RNLS: variants seen among roughly 807,000 people sequenced by gnomAD.
RNLS encodes renalase.
RNLS carries 39 observed loss-of-function variants against 39.8 expected under a neutral mutation model. The observed-to-expected ratio is 0.98, with a 90% CI of 0.76 to 1.28. RNLS has a LOEUF of 1.28. Among genes scored for constraint, RNLS ranks in the 50% most tolerant of loss-of-function variants. RNLS has a pLI of 0.00. For missense variants in RNLS, 410 were observed against 413.3 expected, an observed-to-expected ratio of 0.99 and a Z score of 0.07; for synonymous variants, 147 against 150.7, an observed-to-expected ratio of 0.98 and a Z score of 0.18.
intron 4 of RNLS, among the ~76,000 whole-genome samples, chr10:88,549,879 T>G (rs1243540439): frequency 6.6e-6 from 1 of 152,238 alleles, no homozygotes; most frequent in Non-Finnish European, 1.5e-5. Flanking sequence ...TATAAAATAT[T>G]ATTAGATTTA....
intron 6 of RNLS, among the ~76,000 whole-genome samples, chr10:88,296,658 T>C (rs746622256): frequency 4.6e-5 from 7 of 152,304 alleles, no homozygotes; most frequent in East Asian, 1.9e-4. Flanking sequence ...AAAAAACAGG[T>C]GGTTTTAAAA....
intron 5 of RNLS, among the ~76,000 whole-genome samples, chr10:88,359,892 CT>C (rs1051229932): frequency 7.2e-5 from 11 of 152,304 alleles, no homozygotes; most frequent in African/African-American, 2.2e-4. Context: ...TCTTTCCTTC[CT>C]GTGTGCCTTT....
chr10:88,414,079 A>G (rs1288842472), intron 4 of RNLS, among the ~76,000 whole-genome samples: 1 of 152,138 alleles, frequency 6.6e-6, no homozygotes, highest in East Asian at 1.9e-4. Context: ...TTTTAAAGAC[A>G]TTTTAGGAAG....
At chr10:88,417,307 T>G (rs980988218) in intron 4 of RNLS, among the ~76,000 whole-genome samples, 4 of 152,230 alleles carry the variant, frequency 2.6e-5, no homozygotes, top group African/African-American at 9.6e-5. Context: ...TCACAAATTT[T>G]TTAAATTTGG....
the RNLS span, among the ~76,000 whole-genome samples, chr10:88,265,327 T>TC: frequency 9.2e-6 from 1 of 108,600 alleles, no homozygotes. Flanking sequence ...GTTTTTCTTT[T>TC]TTTTTTTTTT....
rs188840772 is a variant in RNLS at position 88,565,845 on chromosome 10, G to A, written c.526+7058C>T. Among the ~76,000 whole-genome samples the A allele has an allele frequency of 3.9e-3, 578 of 148,890 alleles. 5 individuals are homozygous for A. The highest frequency in any genetic ancestry group is 0.013 in the African/African-American group (520 of 40,234). On this transcript the variant is annotated intron_variant, in intron 4 of 6. Transcript: ENST00000331772. Reference sequence around the variant, plus strand: ...GCTCACTGCAACCTCCGCCTCCCAGGTTCAAGCGATTCTCCTGCCTCAGCC... The same window carrying A: ...GCTCACTGCAACCTCCGCCTCCCAGATTCAAGCGATTCTCCTGCCTCAGCC...
At chr10:88,304,094 C>T (rs559702498) in intron 6 of RNLS, among the ~76,000 whole-genome samples, 1 of 152,128 alleles carries the variant, frequency 6.6e-6, no homozygotes, top group Non-Finnish European at 1.5e-5. Context: ...AAGTGTTGGC[C>T]CCCTACAGTC....
chr10:88,581,207 G>A (rs1728393150), intron 3 of RNLS, among the ~76,000 whole-genome samples: 1 of 149,910 alleles, frequency 6.7e-6, no homozygotes, highest in South Asian at 2.1e-4. Flanking sequence ...AGTCAAACAA[G>A]GTATAGAATC....
the RNLS span, among the ~76,000 whole-genome samples, chr10:88,183,905 A>G: frequency 6.6e-6 from 1 of 152,136 alleles, no homozygotes; most frequent in Non-Finnish European, 1.5e-5. Flanking sequence ...GATCAACTAG[A>G]GAGAAGTCAT....
At chr10:88,381,827 T>C (rs974728137) in intron 4 of RNLS, among the ~76,000 whole-genome samples, 1 of 152,118 alleles carries the variant, frequency 6.6e-6, no homozygotes, top group Non-Finnish European at 1.5e-5. Flanking sequence ...ATCTGACCCC[T>C]GTCTGGTTTT....
chr10:88,227,645 G>C, the RNLS span, among the ~76,000 whole-genome samples: 7 of 152,218 alleles, frequency 4.6e-5, no homozygotes, highest in Non-Finnish European at 8.8e-5. Context: ...TGGCAGGCTA[G>C]AACTTGGGAA....
chr10:88,582,132 T>G, intron 2 of RNLS, 70 bp downstream of exon 2: 1 of 1,217,726 alleles, frequency 8.2e-7, no homozygotes, highest in Non-Finnish European at 1.2e-6. Flanking sequence ...TCAGCTAATC[T>G]AATCTTCACA....
intron 4 of RNLS, among the ~76,000 whole-genome samples, chr10:88,386,741 T>G (rs1388282724): frequency 6.6e-6 from 1 of 152,200 alleles, no homozygotes; most frequent in Non-Finnish European, 1.5e-5. Flanking sequence ...GACACCCACT[T>G]AGCCATTAGG....
At chr10:88,484,225 T>C (rs186974959) in intron 4 of RNLS, among the ~76,000 whole-genome samples, 1 of 152,188 alleles carries the variant, frequency 6.6e-6, no homozygotes, top group Non-Finnish European at 1.5e-5. Flanking sequence ...CCAAACCAAC[T>C]TTATTAGATA....
chr10:88,534,995 T>C (rs1312107513), intron 4 of RNLS, among the ~76,000 whole-genome samples: 2 of 152,054 alleles, frequency 1.3e-5, no homozygotes. Flanking sequence ...CATAAATAAA[T>C]ATGAGAGACG....
rs982348916 is a variant in RNLS at position 88,552,258 on chromosome 10, C to T, written c.526+20645G>A. On this transcript the variant is annotated intron_variant, in intron 4 of 6. Coordinates refer to ENST00000331772, the MANE Select transcript of RNLS (RefSeq NM_001031709.3). Reference sequence around the variant, plus strand: ...GAAAGGCAGAAGAAATGAGCAGAGGCTGCCCTAAAGCCAACCTGTAAACAA... The same window carrying T: ...GAAAGGCAGAAGAAATGAGCAGAGGTTGCCCTAAAGCCAACCTGTAAACAA... Among the ~76,000 whole-genome samples the T allele has an allele frequency of 1.3e-4, 20 of 152,264 alleles. No homozygotes were observed. In the Middle Eastern group the frequency reaches 0.01, roughly 78 times the overall value.
intron 4 of RNLS, among the ~76,000 whole-genome samples, chr10:88,504,095 A>T (rs1277208703): frequency 1.3e-5 from 2 of 152,168 alleles, no homozygotes; most frequent in Admixed American, 6.6e-5. Flanking sequence ...TAGATTTTCC[A>T]GTCCCAGCTA....
chr10:88,529,538 G>T (rs1413635541), intron 4 of RNLS, among the ~76,000 whole-genome samples: 1 of 152,074 alleles, frequency 6.6e-6, no homozygotes, highest in Non-Finnish European at 1.5e-5. Flanking sequence ...CATCAACACT[G>T]TTATGATTGT....
chr10:88,423,381 G>C (rs1854526564), intron 4 of RNLS, among the ~76,000 whole-genome samples: 1 of 152,166 alleles, frequency 6.6e-6, no homozygotes, highest in Non-Finnish European at 1.5e-5. Flanking sequence ...AGACACTGTT[G>C]TATAGCCAGT....
Sources: gnomAD v4.1 joint callset for allele counts (sites outside exome capture counted in the v4.1 genomes callset) on GRCh38, gnomAD v4.1.1 for gene constraint, MANE v1.5 for transcripts, NCBI Gene and HGNC (gene_info 2026-07-23, HGNC 2026-07-21) for gene names.